Variants in GNA14 observed in about 807,000 individuals in gnomAD.
GNA14 encodes guanine nucleotide-binding protein subunit alpha-14.
GNA14 carries 50 observed loss-of-function variants against 42.0 expected under a neutral mutation model. The ratio of observed to expected loss-of-function variants is 1.19; its 90% CI spans 0.95 to 1.51. GNA14 has a LOEUF of 1.51. Ranked by LOEUF, GNA14 falls within the 40% of genes most tolerant of loss-of-function variation. GNA14 has a pLI of 0.00. For synonymous variants in GNA14, 173 were observed against 163.1 expected, an observed-to-expected ratio of 1.06 and a Z score of -0.46; for missense variants, 473 against 446.2, an observed-to-expected ratio of 1.06 and a Z score of -0.54.
chr9:77,526,964 C>A (rs1341533602), intron 2 of GNA14, among the ~76,000 whole-genome samples: 1 of 152,070 alleles, frequency 6.6e-6, no homozygotes. Flanking sequence ...AAGCAAAAAC[C>A]TAGAAGCTTT....
intron 1 of GNA14, among the ~76,000 whole-genome samples, chr9:77,584,433 C>T (rs1431277411): frequency 6.6e-6 from 1 of 152,140 alleles, no homozygotes; most frequent in Non-Finnish European, 1.5e-5. Context: ...ACTAGCTTGC[C>T]TTTCCTTTCA....
At chr9:77,490,356 T>C (rs1490661191) in intron 2 of GNA14, among the ~76,000 whole-genome samples, 1 of 152,248 alleles carries the variant, frequency 6.6e-6, no homozygotes, top group Non-Finnish European at 1.5e-5. Flanking sequence ...CAGGTGGAGC[T>C]GCCTGCCTGT....
intron 2 of GNA14, among the ~76,000 whole-genome samples, chr9:77,501,206 C>T (rs1394971308): frequency 6.6e-6 from 1 of 152,192 alleles, no homozygotes; most frequent in Non-Finnish European, 1.5e-5. Context: ...CCACCTGCCT[C>T]AGCCTCCCAA....
intron 1 of GNA14, among the ~76,000 whole-genome samples, chr9:77,565,383 G>A (rs1182758124): frequency 1.3e-5 from 2 of 151,912 alleles, no homozygotes; most frequent in Non-Finnish European, 2.9e-5. Flanking sequence ...ATTACATGTT[G>A]AAGCAATAAT....
At chr9:77,569,391 T>A (rs1355096545) in intron 1 of GNA14, among the ~76,000 whole-genome samples, 1 of 152,172 alleles carries the variant, frequency 6.6e-6, no homozygotes, top group Non-Finnish European at 1.5e-5. Context: ...CTGCTGGATG[T>A]GCTGCAGCTA....
chr9:77,442,644 T>C (rs1835752786), intron 2 of GNA14, among the ~76,000 whole-genome samples: 1 of 152,218 alleles, frequency 6.6e-6, no homozygotes, highest in Non-Finnish European at 1.5e-5. Context: ...AGGGCAGCCT[T>C]GAGGGGTTTG....
At chr9:77,450,934 A>G (rs978765243) in intron 2 of GNA14, among the ~76,000 whole-genome samples, 6 of 152,118 alleles carry the variant, frequency 3.9e-5, no homozygotes, top group Non-Finnish European at 5.9e-5. Context: ...CATGTAAGAC[A>G]TGCCTTTGCT....
intron 2 of GNA14, among the ~76,000 whole-genome samples, chr9:77,503,234 C>A (rs1837003876): frequency 6.6e-6 from 1 of 152,170 alleles, no homozygotes; most frequent in Non-Finnish European, 1.5e-5. Flanking sequence ...AGGACATGAC[C>A]TGTTCTGAAC....
chr9:77,564,565 A>C (rs566318125), intron 1 of GNA14, among the ~76,000 whole-genome samples: 1 of 152,152 alleles, frequency 6.6e-6, no homozygotes, highest in South Asian at 2.1e-4. Context: ...ATGGTGGCTC[A>C]TGCTTGGAGT....
chr9:77,522,759 G>A (rs1837378946), intron 2 of GNA14, among the ~76,000 whole-genome samples: 1 of 152,140 alleles, frequency 6.6e-6, no homozygotes, highest in South Asian at 2.1e-4. Context: ...TGGCGTAGCA[G>A]CCCCACAGGT....
chr9:77,473,451 G>A (rs1389088792), intron 2 of GNA14, among the ~76,000 whole-genome samples: 1 of 152,074 alleles, frequency 6.6e-6, no homozygotes, highest in Non-Finnish European at 1.5e-5. Flanking sequence ...GCCTGACCCT[G>A]TCTCAAAACA....
intron 2 of GNA14, among the ~76,000 whole-genome samples, chr9:77,495,894 G>A (rs938898318): frequency 2.6e-5 from 4 of 152,176 alleles, no homozygotes; most frequent in Non-Finnish European, 5.9e-5. Flanking sequence ...TATTAAACAA[G>A]TAAAATCATG....
intron 1 of GNA14, among the ~76,000 whole-genome samples, chr9:77,615,094 C>T (rs1823789364): frequency 6.6e-6 from 1 of 152,186 alleles, no homozygotes; most frequent in Admixed American, 6.5e-5. Context: ...AGAAAGTTCT[C>T]CATTGCCTGT....
chr9:77,647,888 G>T lies in GNA14; in HGVS notation c.-95C>A. 6.9e-7 allele frequency: 1 copy of T among 1,444,446 alleles called. No individual in the cohort carries two copies. The highest frequency in any genetic ancestry group is 9.3e-7 in the Non-Finnish European group (1 of 1,073,564). 89.5% of individuals were successfully genotyped at this position (1,444,446 alleles called of 1,614,324 possible). ...ACCCGGCCAGCATGCGACGGGCACA[G>T]GGGTGTGGAAAGAAAAGACGGGGGC... On this transcript the variant is annotated 5_prime_UTR_variant, in exon 1 of 7. In the 5' UTR this introduces an upstream ATG that the reference lacks. Transcript: ENST00000341700.
intron 1 of GNA14, among the ~76,000 whole-genome samples, chr9:77,559,430 C>A (rs1164251318): frequency 6.6e-6 from 1 of 152,092 alleles, no homozygotes; most frequent in Non-Finnish European, 1.5e-5. Flanking sequence ...CCCTTCTGGG[C>A]CAGAGGACAT....
At chr9:77,622,816 C>T (rs1425784547) in intron 1 of GNA14, among the ~76,000 whole-genome samples, 1 of 149,750 alleles carries the variant, frequency 6.7e-6, no homozygotes, top group Admixed American at 6.6e-5. Context: ...ATGGTGTGAA[C>T]CCAGGAGGCA....
chr9:77,627,810 G>A (rs967406698), intron 1 of GNA14, among the ~76,000 whole-genome samples: 2 of 152,100 alleles, frequency 1.3e-5, no homozygotes, highest in African/African-American at 4.8e-5. Flanking sequence ...AAAGCTGGAA[G>A]CATTCCTTTT....
chr9:77,474,206 A>G (rs1056069864), intron 2 of GNA14, among the ~76,000 whole-genome samples: 2 of 152,236 alleles, frequency 1.3e-5, no homozygotes, highest in African/African-American at 4.8e-5. Flanking sequence ...ACTTGTCAAA[A>G]AAGTAAAAAG....
chr9:77,613,696 T>C (rs1313239613), intron 1 of GNA14, among the ~76,000 whole-genome samples: 1 of 152,210 alleles, frequency 6.6e-6, no homozygotes. Flanking sequence ...GCGTCAATCA[T>C]ACATGTCAAT....
Sources: gnomAD v4.1 joint callset for allele counts (sites outside exome capture counted in the v4.1 genomes callset) on GRCh38, gnomAD v4.1.1 for gene constraint, MANE v1.5 for transcripts, NCBI Gene and HGNC (gene_info 2026-07-23, HGNC 2026-07-21) for gene names.